The following PRSS23 variants were observed in gnomAD, a reference collection of about 807,000 sequenced individuals.
PRSS23 encodes serine protease 23, also known as protease, serine 23.
A neutral mutation model predicts 34.7 loss-of-function variants in PRSS23; 25 were observed. The observed-to-expected ratio is 0.72, with a 90% confidence interval of 0.53 to 1.01. The LOEUF (loss-of-function observed/expected upper bound fraction) is 1.01, where lower values mean the gene tolerates loss of function less well. Among genes scored for constraint, PRSS23 ranks in the 50% least tolerant of loss-of-function variants. PRSS23 has a pLI of 0.00. For missense variants in PRSS23, 445 were observed against 475.6 expected (o/e 0.94, Z 0.60); for synonymous variants, 176 against 186.6 (o/e 0.94, Z 0.46).
At chr11:86,830,780 G>A (rs1483354741) in intron 2 of PRSS23, among the ~76,000 whole-genome samples, 3 of 152,018 alleles carry the variant, frequency 2.0e-5, no homozygotes, top group Admixed American at 6.5e-5. Context: ...TAATATCCTA[G>A]GAAGATATTA....
Position 86,807,927 on chromosome 11 carries a change from G to T in PRSS23, c.284G>T (p.Ser95Ile). Reference sequence around the variant, plus strand: ...TATGAAACGCTCTATGCCAATGGCAGCCGCACAGAGACGCAGGTGGGCATC... The same window carrying T: ...TATGAAACGCTCTATGCCAATGGCATCCGCACAGAGACGCAGGTGGGCATC... ...LSYETLYANG[S>I]RTETQVGIYI... The change falls in exon 2 of 2, where the codon AGC becomes ATC. Residue 95 changes from serine to isoleucine, a missense_variant. By Grantham distance (142) the Ser-to-Ile change is moderately radical (BLOSUM62 -2). Coordinates refer to ENST00000280258, the MANE Select transcript of PRSS23 (RefSeq NM_007173.6). 6.2e-7 allele frequency: 1 copy of T among 1,614,192 alleles called. No individual in the cohort carries two copies. The highest frequency in any genetic ancestry group is 1.1e-5 in the South Asian group (1 of 91,080).
chr11:86,867,995 C>G (rs904250993), intron 2 of PRSS23, among the ~76,000 whole-genome samples: 1 of 152,112 alleles, frequency 6.6e-6, no homozygotes, highest in Non-Finnish European at 1.5e-5. Context: ...GCCTCGGCCC[C>G]TCTTCACCTC....
At chr11:86,825,045 G>T (rs1311133083) in intron 2 of PRSS23, among the ~76,000 whole-genome samples, 8 of 152,184 alleles carry the variant, frequency 5.3e-5, no homozygotes, top group Admixed American at 4.6e-4. Context: ...GATCCCTGAG[G>T]AATCGCCACA....
At chr11:86,873,435 T>G (rs1243557237) in intron 2 of PRSS23, among the ~76,000 whole-genome samples, 1 of 151,762 alleles carries the variant, frequency 6.6e-6, no homozygotes, top group African/African-American at 2.4e-5. Context: ...TGCACCACCA[T>G]GCCCAGCTCA....
chr11:86,890,270 C>A (rs981754511), intron 2 of PRSS23, among the ~76,000 whole-genome samples: 109 of 143,128 alleles, frequency 7.6e-4, no homozygotes, highest in African/African-American at 2.5e-3. Flanking sequence ...ATTCCATCTC[C>A]AAAAAAAAAA....
chr11:86,840,007 G>A (rs1948435734), intron 2 of PRSS23, among the ~76,000 whole-genome samples: 1 of 151,810 alleles, frequency 6.6e-6, no homozygotes, highest in Admixed American at 6.6e-5. Context: ...ATGCCAAATT[G>A]TAAAGACATC....
At chr11:86,862,113 T>C (rs1340297726) in intron 2 of PRSS23, among the ~76,000 whole-genome samples, 1 of 151,858 alleles carries the variant, frequency 6.6e-6, no homozygotes, top group Non-Finnish European at 1.5e-5. Flanking sequence ...ACACCCCTTG[T>C]GATATTGCTT....
downstream of PRSS23, among the ~76,000 whole-genome samples, chr11:86,814,460 A>G (rs1948201591): frequency 6.6e-6 from 1 of 152,142 alleles, no homozygotes; most frequent in African/African-American, 2.4e-5. Flanking sequence ...AAGCAAGAGA[A>G]AAAAGTTGGA....
At position 86,808,896 on chromosome 11, in the gene PRSS23, G is replaced by A; in HGVS notation, c.*101G>A. 1.1e-6 allele frequency: 1 copy of A among 921,572 alleles called. No individual in the cohort carries two copies. Among genetic ancestry groups the A allele is most frequent in the South Asian group, 1.6e-5 (1 of 61,044 alleles). The allele number at this position is 921,572 out of a possible 1,614,324, so 57.1% of individuals were successfully genotyped here. ...TTGGCGTGCACACGTGTGTGTGTGT[G>A]TGTGTGTGTGTGTAAGGTGTCTTAT... On this transcript the variant is annotated 3_prime_UTR_variant, in exon 2 of 2. Transcript: ENST00000280258.
intron 2 of PRSS23, among the ~76,000 whole-genome samples, chr11:86,917,543 A>G (rs908688767): frequency 1.3e-5 from 2 of 152,250 alleles, no homozygotes; most frequent in African/African-American, 4.8e-5. Flanking sequence ...TGTTAGGTCA[A>G]GTGCTTAGCA....
intron 2 of PRSS23, chr11:86,857,691 T>G: frequency 1.7e-6 from 1 of 602,524 alleles, no homozygotes; most frequent in Middle Eastern, 3.0e-4. Context: ...CTTCTATACA[T>G]GCAAAAAGGA....
intron 2 of PRSS23, among the ~76,000 whole-genome samples, chr11:86,823,869 G>C (rs955095118): frequency 6.6e-6 from 1 of 150,944 alleles, no homozygotes; most frequent in Non-Finnish European, 1.5e-5. Flanking sequence ...AGCCGGGCGT[G>C]GTAGCGGGCG....
chr11:86,899,917 G>A (rs534530062), intron 2 of PRSS23, among the ~76,000 whole-genome samples: 1 of 151,818 alleles, frequency 6.6e-6, no homozygotes, highest in Admixed American at 6.6e-5. Context: ...AAGTGACACT[G>A]AAAAGGCTAG....
rs1292378042 is a variant in PRSS23 at position 86,810,430 on chromosome 11, C to G, written c.*1635C>G. ...AAACGTACAACCACAGTGCTTTCTT[C>G]AAATCATATGAGAAATACTATGCAT... On this transcript the variant is annotated 3_prime_UTR_variant, in exon 2 of 2. Transcript: ENST00000280258. 6.0e-6 allele frequency: 1 copy of G among 167,018 alleles called. No individual in the cohort carries two copies. Among genetic ancestry groups the G allele is most frequent in the Admixed American group, 6.5e-5 (1 of 15,280 alleles). The allele number at this position is 167,018 out of a possible 1,614,324, so 10.3% of individuals were successfully genotyped here.
intron 2 of PRSS23, chr11:86,941,081 G>C (rs1271422845): frequency 6.6e-6 from 1 of 152,086 alleles, no homozygotes; most frequent in Non-Finnish European, 1.5e-5. Flanking sequence ...GGTTTTGATG[G>C]GCAGACCAAG....
chr11:86,838,110 C>T (rs1208148214), intron 2 of PRSS23, among the ~76,000 whole-genome samples: 12 of 150,626 alleles, frequency 8.0e-5, no homozygotes, highest in Admixed American at 8.0e-4. Context: ...GCTTTATTGA[C>T]ATATAATTGG....
intron 2 of PRSS23, among the ~76,000 whole-genome samples, chr11:86,897,253 T>A (rs1021431149): frequency 6.6e-6 from 1 of 152,200 alleles, no homozygotes; most frequent in South Asian, 2.1e-4. Context: ...CTGTTGCACA[T>A]AAAGTGCTTT....
Position 86,919,684 on chromosome 11 carries a change from C to T in PRSS23, c.207-31532C>T, listed in dbSNP as rs76914928. Among the ~76,000 whole-genome samples the T allele has an allele frequency of 8.3e-3, 1,262 of 152,298 alleles. 11 individuals are homozygous for T. The highest frequency in any genetic ancestry group is 0.029 in the African/African-American group (1,210 of 41,558). On this transcript the variant is annotated intron_variant, in intron 2 of 2. Transcript: ENST00000533902. ...AAATCATGTTACCTCCCCGGGCCTC[C>T]GTTTCTTCATCTGCAAAATAAAGTT...
chr11:86,802,339 G>T (rs1490483043), intron 1 of PRSS23, among the ~76,000 whole-genome samples: 2 of 152,178 alleles, frequency 1.3e-5, no homozygotes, highest in African/African-American at 2.4e-5. Context: ...GGGTTGCTTG[G>T]ACTTGTAAGT....
Sources: allele counts gnomAD v4.1 joint callset (sites outside exome capture counted in the v4.1 genomes callset), GRCh38; gene constraint gnomAD v4.1.1; transcripts MANE v1.5; gene names NCBI Gene and HGNC (gene_info 2026-07-23, HGNC 2026-07-21).